The following ITGB1 variants were observed in gnomAD, a reference collection of about 807,000 sequenced individuals.
ITGB1 encodes the protein integrin subunit beta 1.
A neutral mutation model predicts 86.5 loss-of-function variants in ITGB1; 24 were observed. The observed-to-expected ratio is 0.28, with a 90% CI of 0.20 to 0.39. The LOEUF (loss-of-function observed/expected upper bound fraction) is 0.39. Among genes scored for constraint, ITGB1 ranks in the 10% least tolerant of loss-of-function variants. The pLI, the probability that ITGB1 is intolerant of heterozygous loss-of-function variation, is 1.00. For synonymous variants in ITGB1, 323 were observed against 316.8 expected, an observed-to-expected ratio of 1.02 and a Z score of -0.21; for missense variants, 556 against 946.9, an observed-to-expected ratio of 0.59 and a Z score of 5.42.
At chr10:32,940,165 G>A (rs559841148) in intron 1 of ITGB1, among the ~76,000 whole-genome samples, 2 of 152,132 alleles carry the variant, frequency 1.3e-5, no homozygotes, top group African/African-American at 4.8e-5. Flanking sequence ...CCAACATGGT[G>A]AAACCCCGTC....
intron 5 of ITGB1, among the ~76,000 whole-genome samples, chr10:32,927,175 A>T (rs2094967647): frequency 6.6e-6 from 1 of 152,208 alleles, no homozygotes; most frequent in Non-Finnish European, 1.5e-5. Flanking sequence ...TGCTTACAGA[A>T]TAAAAGAACA....
intron 7 of ITGB1, among the ~76,000 whole-genome samples, chr10:32,923,374 C>A (rs896996701): frequency 6.6e-6 from 1 of 152,102 alleles, no homozygotes; most frequent in Non-Finnish European, 1.5e-5. Context: ...CCCAGTGAGG[C>A]CCTTGTCTGA....
Position 32,933,154 on chromosome 10 carries a change from T to C in ITGB1, c.68-554A>G, listed in dbSNP as rs555850940. On this transcript the variant is annotated intron_variant, in intron 2 of 15. Transcript: ENST00000302278. Reference sequence around the variant, plus strand: ...AGCTCCCACAAACCGGTGAGAACAATGCAAAATTTGGGACCGTGATTTTGG... The same window carrying C: ...AGCTCCCACAAACCGGTGAGAACAACGCAAAATTTGGGACCGTGATTTTGG... Among the ~76,000 whole-genome samples, 3 of 129,426 alleles carry C rather than the reference T, an allele frequency of 2.3e-5. No homozygotes were observed. The South Asian group carries it at 7.0e-4, about 30-fold the overall frequency. The allele number at this position is 129,426 out of a possible 152,430, so 84.9% of individuals were successfully genotyped here. A position where few individuals can be genotyped will look rare whatever the true frequency, so the allele number is the denominator to read the frequency against.
intron 1 of ITGB1, among the ~76,000 whole-genome samples, chr10:32,942,054 T>C (rs1433361816): frequency 1.3e-5 from 2 of 152,062 alleles, no homozygotes; most frequent in South Asian, 2.1e-4. Flanking sequence ...ATGGATGTGA[T>C]TGGGATGAAA....
chr10:32,910,363 C>T lies in ITGB1; in HGVS notation c.2024G>A (p.Ser675Asn). The T allele has an allele frequency of 3.7e-6, 6 of 1,600,750 alleles. No homozygotes were observed. In the South Asian group the frequency reaches 4.4e-5, roughly 12 times the overall value. Residue 675 changes from serine to asparagine, a missense_variant, in exon 14 of 16, where the codon AGT (serine) becomes AAT (asparagine). By Grantham distance (46) the Ser-to-Asn change is conservative (BLOSUM62 1). Coordinates refer to ENST00000302278, the MANE Select transcript of ITGB1 (RefSeq NM_002211.4). ...GACCGGCTGGGGTAATTTGTCCCGA[C>T]TTTCTACCTTGGTAATGTTAAAATA... The part of the protein sequence containing the change: ...CSYFNITKVE[S>N]RDKLPQPVQP...
chr10:32,909,769 C>A (rs1265839752), intron 14 of ITGB1, among the ~76,000 whole-genome samples: 2 of 151,550 alleles, frequency 1.3e-5, no homozygotes, highest in Non-Finnish European at 2.9e-5. Context: ...AAAAAGGCTA[C>A]TAGGAAAACT....
chr10:32,922,791 A>T, intron 7 of ITGB1, 56 bp from the exon 8 acceptor site: 1 of 981,830 alleles, frequency 1.0e-6, no homozygotes, highest in East Asian at 2.7e-5. Flanking sequence ...AATCTCTTCT[A>T]ATTTTTCAAT....
intron 8 of ITGB1, 144 bp downstream of exon 8, chr10:32,922,496 T>C: frequency 2.6e-6 from 2 of 754,940 alleles, no homozygotes; most frequent in East Asian, 2.8e-5. Context: ...TTTTATAATA[T>C]GTGATTAAAA....
intron 2 of ITGB1, among the ~76,000 whole-genome samples, chr10:32,933,943 G>A (rs900676257): frequency 1.3e-5 from 2 of 152,012 alleles, no homozygotes; most frequent in Non-Finnish European, 2.9e-5. Flanking sequence ...ATGTATGTGT[G>A]CACAGTTCAC....
intron 1 of ITGB1, among the ~76,000 whole-genome samples, chr10:32,956,770 G>T (rs532058108): frequency 6.6e-6 from 1 of 152,204 alleles, no homozygotes; most frequent in African/African-American, 2.4e-5. Context: ...TTGGCCCAAA[G>T]AAACCTTACC....
In ITGB1 at chr10:32,932,537, T is replaced by C. The variant is rs1349082007; in HGVS notation, c.131A>G (p.Asn44Ser). ...TACTGAATTTGTGCACCACCCACAA[T>C]TTGGCCCTGCTTGTATACATTCTCC... Reference protein sequence around the residue: ...SCGECIQAGPNCGWCTNSTFL... With the variant: ...SCGECIQAGPSCGWCTNSTFL... The change falls in exon 3 of 16, where the codon AAT becomes AGT. Residue 44 changes from asparagine (N) to serine (S), a missense_variant. By Grantham distance (46) the Asn-to-Ser change is conservative. Coordinates refer to ENST00000302278, the MANE Select transcript of ITGB1 (RefSeq NM_002211.4). The C allele has an allele frequency of 6.2e-7, 1 of 1,608,752 alleles. No individual in the cohort carries two copies. Among genetic ancestry groups the C allele is most frequent in the African/African-American group, 1.3e-5 (1 of 74,804 alleles).
chr10:32,956,447 C>T (rs1232258348), intron 1 of ITGB1, among the ~76,000 whole-genome samples: 3 of 151,700 alleles, frequency 2.0e-5, no homozygotes, highest in Non-Finnish European at 4.4e-5. Flanking sequence ...GGGGCTCACG[C>T]CTGTAATCCC....
chr10:32,937,512 C>T (rs529243604), intron 1 of ITGB1, among the ~76,000 whole-genome samples: 7 of 138,534 alleles, frequency 5.1e-5, no homozygotes, highest in East Asian at 2.2e-4. Context: ...GCCAAGATCG[C>T]GCCACTGTAC....
intron 1 of ITGB1, among the ~76,000 whole-genome samples, chr10:32,947,340 G>A (rs1375789358): frequency 3.3e-5 from 5 of 151,658 alleles, no homozygotes; most frequent in African/African-American, 7.3e-5. Context: ...CAAGGTGTGA[G>A]AAGTATCATC....
chr10:32,923,448 C>CA (rs1565824755), intron 7 of ITGB1, 137 bp downstream of exon 7: 1 of 594,726 alleles, frequency 1.7e-6, no homozygotes, highest in Non-Finnish European at 2.8e-6. Context: ...CCTGCACTTT[C>CA]AATCAGGACC....
At chr10:32,931,159 G>A (rs2094982259) in intron 3 of ITGB1, among the ~76,000 whole-genome samples, 1 of 152,012 alleles carries the variant, frequency 6.6e-6, no homozygotes, top group Non-Finnish European at 1.5e-5. Context: ...ATTCAAAGCT[G>A]CACTATTTAT....
chr10:32,908,256 TA>T, intron 15 of ITGB1, 111 bp downstream of exon 15: 1 of 1,060,342 alleles, frequency 9.4e-7, no homozygotes, highest in South Asian at 1.4e-5. Flanking sequence ...TTTGGGGGAA[TA>T]AAATACTTAG....
intron 1 of ITGB1, among the ~76,000 whole-genome samples, chr10:32,940,201 T>A (rs562319744): frequency 6.6e-6 from 1 of 152,054 alleles, no homozygotes; most frequent in Admixed American, 6.5e-5. Flanking sequence ...AAAAATTAGC[T>A]TGGCGTGGTG....
chr10:32,939,476 T>C (rs975421660), intron 1 of ITGB1, among the ~76,000 whole-genome samples: 3 of 152,216 alleles, frequency 2.0e-5, no homozygotes, highest in Non-Finnish European at 4.4e-5. Flanking sequence ...TGGTGTGGCC[T>C]CCTACACATC....
Sources: gnomAD v4.1 joint callset for allele counts (sites outside exome capture counted in the v4.1 genomes callset) on GRCh38, gnomAD v4.1.1 for gene constraint, MANE v1.5 for transcripts, NCBI Gene and HGNC (gene_info 2026-07-23, HGNC 2026-07-21) for gene names.